Variants in NBPF26 observed in about 807,000 individuals in gnomAD.
NBPF26 encodes NBPF family member NBPF26.
In NBPF26, 79 loss-of-function variants were observed where a neutral mutation model predicts 119.6. That is an observed-to-expected ratio of 0.66 (90% CI 0.55 to 0.80). NBPF26 has a LOEUF of 0.80. NBPF26 is among the 30% of genes least tolerant of loss of function. The pLI is 0.00. For missense variants in NBPF26, 800 were observed against 1,198.2 expected, an observed-to-expected ratio of 0.67 and a Z score of 4.91; for synonymous variants, 299 against 457.7, an observed-to-expected ratio of 0.65 and a Z score of 4.43.
Position 120,839,597 on chromosome 1 carries a change from C to G in NBPF26, c.3995-35C>G. ...ATTGTTATGTGTGTAGGGGAATCAGCTTAATGTGTCTGTCCATGTCTGAAT... is the reference window on the plus strand; with the variant it reads ...ATTGTTATGTGTGTAGGGGAATCAGGTTAATGTGTCTGTCCATGTCTGAAT... On this transcript the variant is annotated intron_variant, in intron 28 of 29. Transcript: ENST00000620612. 4.4e-5 allele frequency: 3 copies of G among 68,246 alleles called. 1 individual carries two copies. The Admixed American group carries it at 6.9e-4, about 16-fold the overall frequency. The allele number at this position is 68,246 out of a possible 1,614,324, so 4.2% of individuals were successfully genotyped here.
At chr1:120,778,098 T>G (rs1256674206) in intron 2 of NBPF26, among the ~76,000 whole-genome samples, 3 of 75,886 alleles carry the variant, frequency 4.0e-5, no homozygotes, top group African/African-American at 1.1e-4. Flanking sequence ...GGGGACAGAG[T>G]AGGGGGGCAG....
rs1165234449 is a variant in NBPF26 at position 120,749,300 on chromosome 1, CCT to C, written c.74-14325_74-14324del. On this transcript the variant is annotated intron_variant, in intron 1 of 29. Coordinates refer to ENST00000620612, the Ensembl canonical transcript of NBPF26. ...AAGGTGAGTTTTTGTCTTTTTTCCC[CCT>C]CTGAGTTGATTTCTTTAGTTGGAGA... 2.0e-5 allele frequency among the ~76,000 whole-genome samples: 2 copies of C among 100,384 alleles called. 1 individual carries two copies. The highest frequency in any genetic ancestry group is 3.6e-5 in the Non-Finnish European group (2 of 55,510). The allele number at this position is 100,384 out of a possible 152,430, so 65.9% of individuals were successfully genotyped here.
chr1:120,823,752 C>G (rs1247863396), intron 17 of NBPF26, among the ~76,000 whole-genome samples: 5 of 73,374 alleles, frequency 6.8e-5, no homozygotes, highest in Non-Finnish European at 1.2e-4. Context: ...TGAGCTCGCT[C>G]TGTGTGTGTG....
rs1189272610 is a variant in NBPF26, at chr1:120,790,535, CCTTTCTTTCTTTCTTTCTTTCTTTCTTT to C, written c.416-2595_416-2568del. On this transcript the variant is annotated intron_variant, in intron 3 of 29. Coordinates refer to ENST00000620612, the Ensembl canonical transcript of NBPF26. ...TTGATTCTTTCTTTCTTTCTCCCTC[CCTTTCTTTCTTTCTTTCTTTCTTTCTTT>C]CTTTCTTTCTTTCTTTCTTTCTTTC... Among the ~76,000 whole-genome samples, 9 of 76,630 alleles carry C rather than the reference CCTTTCTTTCTTTCTTTCTTTCTTTCTTT, an allele frequency of 1.2e-4. 2 individuals carry two copies. The highest frequency in any genetic ancestry group is 4.0e-4 in the Admixed American group (3 of 7,460). 50.3% of individuals were successfully genotyped at this position (76,630 alleles called of 152,430 possible). A position where few individuals can be genotyped will look rare whatever the true frequency, so the allele number is the denominator to read the frequency against.
rs1553273349 is a variant in NBPF26, at chr1:120,840,238, A to G, written c.4104-112A>G. The G allele has an allele frequency of 1.5e-4, 212 of 1,403,886 alleles. 43 individuals are homozygous for G. The highest frequency in any genetic ancestry group is 1.9e-4 in the Non-Finnish European group (202 of 1,059,412). The allele number at this position is 1,403,886 out of a possible 1,614,324, so 87.0% of individuals were successfully genotyped here. A position where few individuals can be genotyped will look rare whatever the true frequency, so the allele number is the denominator to read the frequency against. ...AATTTTTTTTTTACCTCATTAATGG[A>G]TCTATCCTTTTTCTTTTCTAACCAC... On this transcript the variant is annotated intron_variant, in intron 29 of 29. Transcript: ENST00000620612.
chr1:120,820,499 C>A (rs1241240560), intron 15 of NBPF26, among the ~76,000 whole-genome samples: 4 of 19,716 alleles, frequency 2.0e-4, no homozygotes, highest in Admixed American at 9.7e-4. Context: ...TACATACACA[C>A]AAAAAATAAT....
Position 120,810,847 on chromosome 1 carries a change from A to G in NBPF26, c.1564+289A>G, listed in dbSNP as rs1174317887. On this transcript the variant is annotated intron_variant, in intron 9 of 29. Transcript: ENST00000620612. ...TGCATGCCTATAGTCCCAACTGCTC[A>G]GGAGACTTAGGTGGGAGGATGGGCT... 6.4e-5 allele frequency among the ~76,000 whole-genome samples: 7 copies of G among 110,136 alleles called. 1 individual carries two copies. The East Asian group carries it at 1.5e-3, about 23-fold the overall frequency. 72.3% of individuals were successfully genotyped at this position (110,136 alleles called of 152,430 possible). A position where few individuals can be genotyped will look rare whatever the true frequency, so the allele number is the denominator to read the frequency against.
At chr1:120,792,516 T>C (rs1651502901) in intron 3 of NBPF26, among the ~76,000 whole-genome samples, 1 of 110,806 alleles carries the variant, frequency 9.0e-6, no homozygotes, top group Non-Finnish European at 1.7e-5. Context: ...ATTTTTTTTT[T>C]TTTGAAATAG....
chr1:120,831,751 CTG>C (rs1315857384), intron 21 of NBPF26, among the ~76,000 whole-genome samples: 32 of 18,418 alleles, frequency 1.7e-3, no homozygotes, highest in Non-Finnish European at 3.1e-3. Context: ...CTCTCTCTCT[CTG>C]TGTGTGTGTG....
chr1:120,840,178 A>C (rs1652477975), intron 29 of NBPF26, among the ~76,000 whole-genome samples, 172 bp from the exon 36 acceptor site: 1 of 84,918 alleles, frequency 1.2e-5, no homozygotes, highest in Admixed American at 1.2e-4. Context: ...ATTGTTTTCT[A>C]CCTGGCCCTG....
chr1:120,806,870 G>A (rs1175200925), intron 5 of NBPF26, among the ~76,000 whole-genome samples: 3 of 123,064 alleles, frequency 2.4e-5, no homozygotes, highest in East Asian at 4.0e-4. Context: ...GTAAATTGCT[G>A]CAATGAATTA....
At chr1:120,817,282 C>G in intron 14 of NBPF26, among the ~76,000 whole-genome samples, 1 of 112,820 alleles carries the variant, frequency 8.9e-6, no homozygotes, top group Non-Finnish European at 1.7e-5. Context: ...CTTAGCTGCA[C>G]AGTCACCCTG....
At position 120,764,039 on chromosome 1, in the gene NBPF26, G is replaced by T. The variant is rs1356427443; in HGVS notation, c.155+330G>T. ...TGAGTTGGGCGAATCACGAGGTCAG[G>T]AGTTCAAGATCAGCCTGGCCAACAT... is the stretch of plus-strand genomic sequence containing the variant. On this transcript the variant is annotated intron_variant, in intron 2 of 29. Transcript: ENST00000620612. Among the ~76,000 whole-genome samples, 5 of 113,852 alleles carry T rather than the reference G, an allele frequency of 4.4e-5. 1 individual carries two copies. The highest frequency in any genetic ancestry group is 8.4e-5 in the Non-Finnish European group (5 of 59,678). 74.7% of individuals were successfully genotyped at this position (113,852 alleles called of 152,430 possible).
At chr1:120,810,581 C>T in intron 9 of NBPF26, 23 bp downstream of exon 9, 2 of 1,401,402 alleles carry the variant, frequency 1.4e-6, no homozygotes, top group East Asian at 2.3e-5. Context: ...TTCCTTGTGT[C>T]TCATACCTCT....
rs1553273564 is a variant in NBPF26 at position 120,840,552 on chromosome 1, C to G, written c.4306C>G (p.Leu1436Val). 1.4e-4 allele frequency: 212 copies of G among 1,467,306 alleles called. 48 individuals are homozygous for G. The African/African-American group carries it at 1.7e-3, about 12-fold the overall frequency. The allele number at this position is 1,467,306 out of a possible 1,614,324, so 90.9% of individuals were successfully genotyped here. The stretch of plus-strand genomic sequence containing the variant: ...GTTTTTTACTTTGACGGTGACAAGT[C>G]TCCACCTGGTGTTCCAGATGGGAGT... The change falls in exon 30 of 30, where the codon CTC (leucine) becomes GTC (valine). Residue 1436 changes from leucine to valine, a missense_variant. Leu to Val is a conservative substitution (Grantham distance 32, BLOSUM62 1). Transcript: ENST00000620612.
In NBPF26 at chr1:120,823,371, G is replaced by A. The variant is rs1553272264; in HGVS notation, c.2639+11G>A. 2.2e-6 allele frequency: 3 copies of A among 1,349,810 alleles called. 1 individual carries two copies. Among genetic ancestry groups the A allele is most frequent in the Non-Finnish European group, 3.0e-6 (3 of 1,003,010 alleles). The allele number at this position is 1,349,810 out of a possible 1,614,324, so 83.6% of individuals were successfully genotyped here. ...GGCAACAGGTCCCAGGTGAGTCTGA[G>A]AAATTGTGGACAGTTAATTTGATGT... On this transcript the variant is annotated intron_variant, in intron 17 of 29. Transcript: ENST00000620612.
intron 1 of NBPF26, among the ~76,000 whole-genome samples, chr1:120,735,301 T>G (rs1211607016): frequency 0.58 from 26,926 of 46,106 alleles, 10,686 homozygotes; most frequent in East Asian, 0.64. Context: ...CTGACCTCAG[T>G]TGATCTGCCC....
Position 120,724,315 on chromosome 1 carries a change from C to A in NBPF26, c.73+65C>A, listed in dbSNP as rs1276846996. On this transcript the variant is annotated intron_variant, in intron 1 of 29. Coordinates refer to ENST00000620612, the Ensembl canonical transcript of NBPF26. ...GGCTGCCACCTGGGGCGACCCTTCT[C>A]CCCCTCAGTCCTTCTCTGTGTGGGA... is the stretch of plus-strand genomic sequence containing the variant. 4 of 1,360,908 alleles carry A rather than the reference C, an allele frequency of 2.9e-6. 1 individual carries two copies. 84.3% of individuals were successfully genotyped at this position (1,360,908 alleles called of 1,614,324 possible).
rs1404055299 is a variant in NBPF26 at position 120,810,197 on chromosome 1, C to T, written c.1353-150C>T. 2.1e-4 allele frequency: 201 copies of T among 979,568 alleles called. 30 individuals carry two copies. The highest frequency in any genetic ancestry group is 9.4e-4 in the Middle Eastern group (3 of 3,202). 60.7% of individuals were successfully genotyped at this position (979,568 alleles called of 1,614,324 possible). A position where few individuals can be genotyped will look rare whatever the true frequency, so the allele number is the denominator to read the frequency against. On this transcript the variant is annotated intron_variant, in intron 8 of 29. Transcript: ENST00000620612. ...AGCCATGCTCTGTTGCAGAGAGAAG[C>T]GGATTGCCTGTTTCCTCTTTAAGGG...
Sources: gnomAD v4.1 joint callset for allele counts (sites outside exome capture counted in the v4.1 genomes callset) on GRCh38, gnomAD v4.1.1 for gene constraint, MANE v1.5 for transcripts, NCBI Gene and HGNC (gene_info 2026-07-23, HGNC 2026-07-21) for gene names.